The following NOXRED1 variants were observed in gnomAD, a reference collection of about 807,000 sequenced individuals.
The protein encoded by NOXRED1 is NADP dependent oxidoreductase domain containing 1, also known as NADP-dependent oxidoreductase domain-containing protein 1.
A neutral mutation model predicts 30.4 loss-of-function variants in NOXRED1; 20 were observed. The ratio of observed to expected loss-of-function variants is 0.66; its 90% CI spans 0.46 to 0.96. The LOEUF (loss-of-function observed/expected upper bound fraction) is 0.96, where lower values mean the gene tolerates loss of function less well. Among genes scored for constraint, NOXRED1 ranks in the 40% least tolerant of loss-of-function variants. The pLI is 0.00. For synonymous variants in NOXRED1, 155 were observed against 168.0 expected, an observed-to-expected ratio of 0.92 and a Z score of 0.60; for missense variants, 374 against 428.0, an observed-to-expected ratio of 0.87 and a Z score of 1.11.
At chr14:77,418,113 G>C (rs915537919) in intron 1 of NOXRED1, among the ~76,000 whole-genome samples, 2 of 151,902 alleles carry the variant, frequency 1.3e-5, no homozygotes, top group Admixed American at 1.3e-4. Flanking sequence ...CATTAGCATG[G>C]TTTTATAGTA....
At chr14:77,421,320 G>T (rs952277404) in intron 1 of NOXRED1, among the ~76,000 whole-genome samples, 1 of 152,194 alleles carries the variant, frequency 6.6e-6, no homozygotes, top group Non-Finnish European at 1.5e-5. Flanking sequence ...ACCATATATT[G>T]TTGTTAAGTT....
At position 77,414,083 on chromosome 14, in the gene NOXRED1, C is replaced by A. The variant is rs1894741560; in HGVS notation, c.200G>T (p.Gly67Val). 6 of 1,605,138 alleles carry A rather than the reference C, an allele frequency of 3.7e-6. No homozygotes were observed. Among genetic ancestry groups the A allele is most frequent in the Non-Finnish European group, 5.1e-6 (6 of 1,173,966 alleles). Residue 67 changes from glycine to valine, a missense_variant, in exon 2 of 6, where the codon GGC (glycine) becomes GTC (valine). Physicochemically the swap from Gly to Val is moderately radical, Grantham distance 109. Coordinates refer to ENST00000380835, the MANE Select transcript of NOXRED1 (RefSeq NM_001113475.3). Reference protein sequence around the residue: ...KNQSSRHLSIGSLNSATPEEF... With the variant: ...KNQSSRHLSIVSLNSATPEEF... Reference sequence around the variant, plus strand: ...TTCAGGAGTGGCTGAATTAAGGGAGCCAATTGAGAGATGTCTGGAACTTTG... The same window carrying A: ...TTCAGGAGTGGCTGAATTAAGGGAGACAATTGAGAGATGTCTGGAACTTTG...
At chr14:77,419,435 TTTTC>T (rs1160420511) in intron 1 of NOXRED1, among the ~76,000 whole-genome samples, 2 of 146,980 alleles carry the variant, frequency 1.4e-5, no homozygotes, top group African/African-American at 2.5e-5. Context: ...AGGTTTTTTT[TTTTC>T]TTTTTCCTTT....
intron 5 of NOXRED1, among the ~76,000 whole-genome samples, chr14:77,400,590 T>C (rs1894300234): frequency 6.6e-6 from 1 of 152,192 alleles, no homozygotes; most frequent in Admixed American, 6.6e-5. Flanking sequence ...TTCCAGGTCA[T>C]AGGTAGATAA....
intron 5 of NOXRED1, among the ~76,000 whole-genome samples, chr14:77,405,320 G>C (rs1178933758): frequency 2.6e-4 from 40 of 152,214 alleles, no homozygotes. Context: ...ACTTAAAGCC[G>C]GGAGGCAGAG....
chr14:77,415,297 T>C (rs1249977265), intron 1 of NOXRED1, among the ~76,000 whole-genome samples: 1 of 151,674 alleles, frequency 6.6e-6, no homozygotes, highest in African/African-American at 2.4e-5. Context: ...TGGCTAGGCA[T>C]GGTAGCTGAT....
chr14:77,404,330 T>C lies in NOXRED1; in HGVS notation c.905+1583A>G, dbSNP rs565841914. On this transcript the variant is annotated intron_variant, in intron 5 of 5. Coordinates refer to ENST00000380835, the MANE Select transcript of NOXRED1 (RefSeq NM_001113475.3). ...GAATAAACTGTCCATTGATGATTGATTGGAATACGAAAGATGAGGAAGAAG... is the reference window on the plus strand; with the variant it reads ...GAATAAACTGTCCATTGATGATTGACTGGAATACGAAAGATGAGGAAGAAG... Among the ~76,000 whole-genome samples the C allele has an allele frequency of 3.9e-5, 6 of 152,260 alleles. No individual in the cohort carries two copies. In the South Asian group the frequency reaches 8.3e-4, roughly 21 times the overall value.
At chr14:77,410,925 A>G (rs565532275) in intron 2 of NOXRED1, among the ~76,000 whole-genome samples, 15 of 152,310 alleles carry the variant, frequency 9.8e-5, no homozygotes, top group Admixed American at 5.9e-4. Flanking sequence ...GAAAAAATAC[A>G]TTAGAAGTTT....
intron 1 of NOXRED1, among the ~76,000 whole-genome samples, chr14:77,418,939 T>G (rs558956563): frequency 6.6e-6 from 1 of 152,352 alleles, no homozygotes; most frequent in African/African-American, 2.4e-5. Context: ...TTTTTATTTT[T>G]GTATACTTTT....
intron 1 of NOXRED1, among the ~76,000 whole-genome samples, chr14:77,417,140 CAA>C (rs879495583): frequency 4.6e-4 from 48 of 103,918 alleles, no homozygotes; most frequent in Non-Finnish European, 4.4e-4. Context: ...CTATTATGGT[CAA>C]AAAAAAAAAA....
At chr14:77,411,816 G>T (rs1953588193) in intron 2 of NOXRED1, among the ~76,000 whole-genome samples, 1 of 152,096 alleles carries the variant, frequency 6.6e-6, no homozygotes, top group Non-Finnish European at 1.5e-5. Context: ...TTAGGGGCAG[G>T]TGCAGTGGCT....
chr14:77,396,243 G>C (rs941891794), intron 5 of NOXRED1, among the ~76,000 whole-genome samples: 3 of 147,158 alleles, frequency 2.0e-5, no homozygotes, highest in African/African-American at 7.6e-5. Flanking sequence ...AAAACTCCAA[G>C]GAATCTTTTT....
chr14:77,408,598 T>A (rs1446918254), intron 2 of NOXRED1, among the ~76,000 whole-genome samples: 1 of 152,142 alleles, frequency 6.6e-6, no homozygotes, highest in Non-Finnish European at 1.5e-5. Context: ...CTTTACAGTT[T>A]CTAAGGTGTA....
chr14:77,394,661 T>C lies in NOXRED1; in HGVS notation c.1050A>G (p.Pro350=). The C allele has an allele frequency of 6.2e-7, 1 of 1,612,988 alleles. No homozygotes were observed. Among genetic ancestry groups the C allele is most frequent in the South Asian group, 1.1e-5 (1 of 90,782 alleles). ...GGGATGGAAAGCCTGTGGAAATGAC[T>C]GGCTGTTCTTTGGTTAGGGAGATGC... ...SFGISLTKEQ[P]VISTGFPSQ is the part of the protein sequence containing the mutation. Residue 350 remains proline, a synonymous_variant, in exon 6 of 6, where the codon CCA becomes CCG. Coordinates refer to ENST00000380835, the MANE Select transcript of NOXRED1 (RefSeq NM_001113475.3).
rs778393004 is a variant in NOXRED1, at chr14:77,407,649, G to C, written c.350-4C>G. On this transcript the variant is annotated splice_region_variant and splice_polypyrimidine_tract_variant and intron_variant, in intron 2 of 5. Transcript: ENST00000380835. ...ATTCCCAGCTTCTGGAGCTCACCTG[G>C]GAGGGATAAAGGAAGACAGGAAGAG... 14 of 1,612,556 alleles carry C rather than the reference G, an allele frequency of 8.7e-6. No homozygotes were observed. Among genetic ancestry groups the C allele is most frequent in the Middle Eastern group, 1.6e-4 (1 of 6,080 alleles).
At position 77,413,925 on chromosome 14, in the gene NOXRED1, G is replaced by A. The variant is rs552356324; in HGVS notation, c.349+9C>T. 2.9e-5 allele frequency: 46 copies of A among 1,569,148 alleles called. No individual in the cohort carries two copies. In the South Asian group the frequency reaches 5.4e-4, roughly 18 times the overall value. ...CCAAGCCCCCTTTCTACCACACACT[G>A]CTCCTCACCCAGAGTCTCTGGCCTC... On this transcript the variant is annotated intron_variant, in intron 2 of 5. Transcript: ENST00000380835.
chr14:77,407,318 GTTC>G (rs1428920416), intron 3 of NOXRED1, 144 bp downstream of exon 3: 6 of 667,436 alleles, frequency 9.0e-6, no homozygotes, highest in Non-Finnish European at 1.6e-5. Flanking sequence ...GGCTAACTAT[GTTC>G]TTCTACAGAT....
chr14:77,406,620 CACACACACACACACAGAG>C (rs765570927), intron 4 of NOXRED1, 86 bp downstream of exon 4: 165 of 911,384 alleles, frequency 1.8e-4, no homozygotes, highest in Middle Eastern at 5.5e-4. Flanking sequence ...CACACACACA[CACACACACACACACAGAG>C]AGAGAGAGAT....
intron 5 of NOXRED1, among the ~76,000 whole-genome samples, chr14:77,400,667 T>C (rs936890390): frequency 3.3e-5 from 5 of 152,220 alleles, no homozygotes; most frequent in Non-Finnish European, 5.9e-5. Flanking sequence ...TTTACAGGAA[T>C]AGTCTCTTAT....
Sources: gnomAD v4.1 joint callset for allele counts (sites outside exome capture counted in the v4.1 genomes callset) on GRCh38, gnomAD v4.1.1 for gene constraint, MANE v1.5 for transcripts, NCBI Gene and HGNC (gene_info 2026-07-23, HGNC 2026-07-21) for gene names.